The following GNAO1 variants were observed in gnomAD, a reference collection of about 807,000 sequenced individuals.
GNAO1 encodes the protein guanine nucleotide-binding protein G(o) subunit alpha.
For synonymous variants in GNAO1, 164 were observed against 180.7 expected (o/e 0.91, Z 0.74); for missense variants, 166 against 478.7 (o/e 0.35, Z 6.10).
intron 4 of GNAO1, among the ~76,000 whole-genome samples, chr16:56,329,567 C>T (rs2037668808): frequency 1.3e-5 from 2 of 152,160 alleles, no homozygotes; most frequent in African/African-American, 4.8e-5. Context: ...GCTCCAGAGC[C>T]CTGGGATGGT....
At chr16:56,224,483 A>G (rs2036517347) in intron 2 of GNAO1, among the ~76,000 whole-genome samples, 1 of 151,814 alleles carries the variant, frequency 6.6e-6, no homozygotes. Flanking sequence ...TTTTATTTTT[A>G]TTTATTTATT....
intron 2 of GNAO1, among the ~76,000 whole-genome samples, chr16:56,236,566 T>C (rs1195577841): frequency 6.6e-6 from 1 of 152,190 alleles, no homozygotes; most frequent in African/African-American, 2.4e-5. Context: ...GTACCAGTCT[T>C]AGGTCACCCT....
chr16:56,214,552 A>G (rs1364131810), intron 2 of GNAO1, among the ~76,000 whole-genome samples: 1 of 152,262 alleles, frequency 6.6e-6, no homozygotes, highest in Non-Finnish European at 1.5e-5. Flanking sequence ...GGATGAAGTT[A>G]AAGTAAACAG....
chr16:56,287,495 G>A (rs1392673316), intron 3 of GNAO1, among the ~76,000 whole-genome samples: 1 of 152,200 alleles, frequency 6.6e-6, no homozygotes, highest in Admixed American at 6.5e-5. Flanking sequence ...AAGAAATGAT[G>A]CATGTTAACA....
chr16:56,236,256 A>G (rs1458238765), intron 2 of GNAO1, among the ~76,000 whole-genome samples: 2 of 152,174 alleles, frequency 1.3e-5, no homozygotes, highest in South Asian at 2.1e-4. Flanking sequence ...CTTAGATATG[A>G]GTTTCATAGT....
intron 2 of GNAO1, among the ~76,000 whole-genome samples, chr16:56,266,209 T>C (rs1441068886): frequency 6.6e-6 from 1 of 152,186 alleles, no homozygotes; most frequent in Non-Finnish European, 1.5e-5. Context: ...GTCTCCTGGG[T>C]GCTGTGTGAA....
chr16:56,276,670 T>A (rs1426224919), intron 3 of GNAO1: 1 of 152,312 alleles, frequency 6.6e-6, no homozygotes, highest in African/African-American at 2.4e-5. Context: ...AAGTACTATA[T>A]AAAAGCCTCT....
chr16:56,191,974 G>A lies in GNAO1; in HGVS notation c.-262G>A. The A allele has an allele frequency of 1.9e-6, 1 of 517,722 alleles. No homozygotes were observed. The allele number at this position is 517,722 out of a possible 1,614,324, so 32.1% of individuals were successfully genotyped here. A position where few individuals can be genotyped will look rare whatever the true frequency, so the allele number is the denominator to read the frequency against. On this transcript the variant is annotated 5_prime_UTR_variant, in exon 1 of 9. Transcript: ENST00000262493. The surrounding 1 kb of genome is among the most constrained non-coding windows in gnomAD (Gnocchi z 4.7). ...CGCGGGCGCCTCCTCCCTTGGCTCC[G>A]GAGCCCCAGACCCCGGCCACCCTCG...
intron 2 of GNAO1, among the ~76,000 whole-genome samples, chr16:56,250,531 T>C (rs918425588): frequency 1.3e-5 from 2 of 152,210 alleles, no homozygotes; most frequent in Non-Finnish European, 1.5e-5. Context: ...TTGGAAAACA[T>C]AGCCAGAAGC....
At chr16:56,197,726 T>G (rs1376162843) in intron 2 of GNAO1, among the ~76,000 whole-genome samples, 1 of 152,222 alleles carries the variant, frequency 6.6e-6, no homozygotes, top group African/African-American at 2.4e-5. Context: ...GAGTGTGTCT[T>G]GTTTCTTTTA....
intron 3 of GNAO1, among the ~76,000 whole-genome samples, chr16:56,290,973 A>G (rs1342909477): frequency 1.3e-5 from 2 of 152,216 alleles, no homozygotes; most frequent in South Asian, 2.1e-4. Flanking sequence ...GCTGAATCAC[A>G]TTTCATTGTA....
intron 7 of GNAO1, chr16:56,353,510 G>A (rs2037942447): frequency 1.3e-5 from 2 of 152,506 alleles, no homozygotes; most frequent in African/African-American, 4.8e-5. Context: ...CAAGCAGCAG[G>A]GGTGGGACGG....
intron 4 of GNAO1, among the ~76,000 whole-genome samples, chr16:56,333,055 C>T (rs1326605813): frequency 1.3e-5 from 2 of 152,152 alleles, no homozygotes; most frequent in African/African-American, 4.8e-5. Flanking sequence ...TTCCTGTCCA[C>T]GGAGGGCAGT....
intron 2 of GNAO1, among the ~76,000 whole-genome samples, chr16:56,238,743 A>ATTAATGC: frequency 6.6e-6 from 1 of 152,364 alleles, no homozygotes; most frequent in East Asian, 1.9e-4. Flanking sequence ...TTGTTACACA[A>ATTAATGC]TTAATGCTTA....
intron 2 of GNAO1, among the ~76,000 whole-genome samples, chr16:56,249,356 A>G (rs1207782730): frequency 1.3e-5 from 2 of 152,136 alleles, no homozygotes; most frequent in African/African-American, 4.8e-5. Context: ...TTTCCTTCAG[A>G]GCCCCAGCAT....
At chr16:56,194,070 A>G (rs1316426280) in intron 2 of GNAO1, 9 of 455,292 alleles carry the variant, frequency 2.0e-5, no homozygotes, top group Non-Finnish European at 4.0e-5. Flanking sequence ...CAGGCATGAC[A>G]AGCGGGTTCT....
intron 3 of GNAO1, among the ~76,000 whole-genome samples, chr16:56,295,308 A>C (rs1297928393): frequency 6.6e-6 from 1 of 152,080 alleles, no homozygotes. Flanking sequence ...TGGCTCGCAG[A>C]TGGGCAGGTC....
intron 2 of GNAO1, among the ~76,000 whole-genome samples, chr16:56,264,993 T>C (rs1235174536): frequency 6.6e-6 from 1 of 152,182 alleles, no homozygotes; most frequent in Non-Finnish European, 1.5e-5. Context: ...GATCCATTTG[T>C]GCCCAAGTTA....
intron 2 of GNAO1, among the ~76,000 whole-genome samples, chr16:56,241,130 C>A (rs2036690222): frequency 6.6e-6 from 1 of 152,226 alleles, no homozygotes; most frequent in Non-Finnish European, 1.5e-5. Context: ...GCATGCAGTT[C>A]TTTGCCACAG....
Sources: gnomAD v4.1 joint callset for allele counts (sites outside exome capture counted in the v4.1 genomes callset) on GRCh38, gnomAD v4.1.1 for gene constraint, Gnocchi (gnomAD v3.1) non-coding constraint, MANE v1.5 for transcripts, NCBI Gene and HGNC (gene_info 2026-07-23, HGNC 2026-07-21) for gene names.